Variants in KIF16B observed in about 807,000 individuals in gnomAD.
The protein encoded by KIF16B is kinesin family member 16B.
In KIF16B, 98 loss-of-function variants were observed where a neutral mutation model predicts 156.3. That is an observed-to-expected ratio of 0.63 (90% CI 0.53 to 0.74). KIF16B has a LOEUF of 0.74. KIF16B is among the 30% of genes least tolerant of loss of function. The pLI is 0.00. For synonymous variants in KIF16B, 564 were observed against 583.7 expected, an observed-to-expected ratio of 0.97 and a Z score of 0.49; for missense variants, 1,421 against 1,606.5, an observed-to-expected ratio of 0.88 and a Z score of 1.97.
intron 25 of KIF16B, among the ~76,000 whole-genome samples, chr20:16,291,723 T>C (rs1241314685): frequency 6.6e-6 from 1 of 152,224 alleles, no homozygotes; most frequent in African/African-American, 2.4e-5. Flanking sequence ...GAAATGTCAG[T>C]ATGTATTGAC....
intron 23 of KIF16B, among the ~76,000 whole-genome samples, chr20:16,339,964 A>G (rs949530486): frequency 2.0e-5 from 3 of 152,122 alleles, no homozygotes; most frequent in African/African-American, 7.2e-5. Context: ...TTAAACATTA[A>G]GTGTGATGGG....
chr20:16,492,916 G>A (rs1012829551), intron 12 of KIF16B, among the ~76,000 whole-genome samples: 4 of 152,060 alleles, frequency 2.6e-5, no homozygotes, highest in Non-Finnish European at 5.9e-5. Context: ...AATGACTTGG[G>A]CTTCAGGGGC....
intron 24 of KIF16B, among the ~76,000 whole-genome samples, chr20:16,331,115 T>C (rs2063940700): frequency 6.6e-6 from 1 of 152,242 alleles, no homozygotes. Context: ...TCTGAATGCA[T>C]AGCTGGACCC....
At chr20:16,562,445 A>AGGAG (rs2071097021) in intron 1 of KIF16B, among the ~76,000 whole-genome samples, 2 of 152,184 alleles carry the variant, frequency 1.3e-5, no homozygotes, top group African/African-American at 4.8e-5. Context: ...AATACCCAAT[A>AGGAG]GGAGGATTGT....
At position 16,538,416 on chromosome 20, in the gene KIF16B, G is replaced by C. The variant is rs1373268235; in HGVS notation, c.48-9976C>G. 2.0e-5 allele frequency among the ~76,000 whole-genome samples: 3 copies of C among 152,160 alleles called. No homozygotes were observed. The East Asian group carries it at 5.8e-4, about 29-fold the overall frequency. ...ATTATTTGACATTAATTTGATAATAGGGAAAAATGAACTATGCCTCTCCCT... is the reference window on the plus strand; with the variant it reads ...ATTATTTGACATTAATTTGATAATACGGAAAAATGAACTATGCCTCTCCCT... On this transcript the variant is annotated intron_variant, in intron 1 of 25. Coordinates refer to ENST00000354981, the MANE Select transcript of KIF16B (RefSeq NM_024704.5).
intron 12 of KIF16B, 72 bp downstream of exon 12, chr20:16,494,219 T>C (rs940077978): frequency 3.7e-5 from 28 of 750,632 alleles, no homozygotes; most frequent in Non-Finnish European, 4.7e-5. Context: ...GTTTGGAGAT[T>C]AAAAAAAAAA....
intron 23 of KIF16B, among the ~76,000 whole-genome samples, chr20:16,354,885 G>A (rs1158028162): frequency 6.6e-6 from 1 of 152,094 alleles, no homozygotes; most frequent in Non-Finnish European, 1.5e-5. Flanking sequence ...GGCGGAGGTT[G>A]CAGTGAGCTG....
intron 23 of KIF16B, among the ~76,000 whole-genome samples, chr20:16,349,640 T>A (rs1215020478): frequency 6.6e-6 from 1 of 152,166 alleles, no homozygotes; most frequent in Non-Finnish European, 1.5e-5. Context: ...AAACCCCATA[T>A]CCTCCACCAC....
chr20:16,319,500 T>G (rs146492540), intron 24 of KIF16B, among the ~76,000 whole-genome samples: 1 of 152,136 alleles, frequency 6.6e-6, no homozygotes, highest in African/African-American at 2.4e-5. Context: ...TTAGATCCAG[T>G]GGAGAAGTGA....
chr20:16,347,449 TC>T (rs2064254281), intron 23 of KIF16B, among the ~76,000 whole-genome samples: 1 of 152,198 alleles, frequency 6.6e-6, no homozygotes, highest in Non-Finnish European at 1.5e-5. Flanking sequence ...TGTAACTCAA[TC>T]TCATTTCTTC....
intron 17 of KIF16B, among the ~76,000 whole-genome samples, chr20:16,397,799 G>A (rs2065548213): frequency 6.6e-6 from 1 of 152,210 alleles, no homozygotes; most frequent in Admixed American, 6.5e-5. Context: ...CAAAGATAGG[G>A]GCCAAGTAAT....
chr20:16,555,210 T>C (rs1259320049), intron 1 of KIF16B, among the ~76,000 whole-genome samples: 1 of 152,248 alleles, frequency 6.6e-6, no homozygotes, highest in East Asian at 1.9e-4. Context: ...TCATTGTGCT[T>C]ACTCTGTGCA....
intron 12 of KIF16B, among the ~76,000 whole-genome samples, chr20:16,484,352 A>C (rs749287468): frequency 6.6e-6 from 1 of 152,242 alleles, no homozygotes; most frequent in East Asian, 1.9e-4. Flanking sequence ...GACCCTGCCA[A>C]GTGCAATAGC....
chr20:16,486,582 G>A (rs17741081), intron 12 of KIF16B, among the ~76,000 whole-genome samples: 6,397 of 152,258 alleles, frequency 0.042, 177 homozygotes, highest in Non-Finnish European at 0.067. Flanking sequence ...CACAGGAGCT[G>A]AACTATACGG....
At chr20:16,351,191 C>T (rs1489234937) in intron 23 of KIF16B, among the ~76,000 whole-genome samples, 1 of 152,084 alleles carries the variant, frequency 6.6e-6, no homozygotes, top group East Asian at 1.9e-4. Context: ...AAAAAATAAA[C>T]ACACCAGTGT....
intron 17 of KIF16B, among the ~76,000 whole-genome samples, chr20:16,388,986 G>A (rs74484907): frequency 1.3e-4 from 20 of 152,248 alleles, no homozygotes; most frequent in Middle Eastern, 3.4e-3. Flanking sequence ...GGAGGGTAAC[G>A]GAAGCTGAGT....
intron 23 of KIF16B, among the ~76,000 whole-genome samples, chr20:16,348,691 A>G (rs1648337274): frequency 1.3e-5 from 2 of 152,242 alleles, no homozygotes; most frequent in Admixed American, 1.3e-4. Flanking sequence ...CAAGAAGCTT[A>G]TGAGGTATAG....
chr20:16,291,673 C>T (rs1165101565), intron 25 of KIF16B, among the ~76,000 whole-genome samples: 1 of 152,200 alleles, frequency 6.6e-6, no homozygotes, highest in Admixed American at 6.5e-5. Flanking sequence ...AATAAGTTGA[C>T]ACCCAGTTTC....
chr20:16,457,514 G>A (rs938013273), intron 12 of KIF16B, among the ~76,000 whole-genome samples: 1 of 152,206 alleles, frequency 6.6e-6, no homozygotes, highest in African/African-American at 2.4e-5. Flanking sequence ...GACCAGGGGT[G>A]TGAGGCGGGT....
Sources: gnomAD v4.1 joint callset for allele counts (sites outside exome capture counted in the v4.1 genomes callset) on GRCh38, gnomAD v4.1.1 for gene constraint, MANE v1.5 for transcripts, NCBI Gene and HGNC (gene_info 2026-07-23, HGNC 2026-07-21) for gene names.